Variants in MAP3K13 observed in about 807,000 individuals in gnomAD.
MAP3K13 encodes the protein leucine zipper-bearing kinase.
In MAP3K13, 52 loss-of-function variants were observed where a neutral mutation model predicts 104.0. The observed-to-expected ratio is 0.50, with a 90% CI of 0.40 to 0.63. MAP3K13 has a LOEUF of 0.63. Ranked by LOEUF, MAP3K13 falls within the 20% of genes least tolerant of loss-of-function variation. The probability of loss-of-function intolerance (pLI) is 0.00; values close to 1 mark genes in which losing one functional copy is unlikely to be tolerated. For synonymous variants in MAP3K13, 394 were observed against 442.2 expected (o/e 0.89, Z 1.37); for missense variants, 914 against 1,218.5 (o/e 0.75, Z 3.72).
At chr3:185,363,512 A>G in intron 1 of MAP3K13, 144 bp downstream of exon 1, 1 of 302,188 alleles carries the variant, frequency 3.3e-6, no homozygotes, top group Non-Finnish European at 4.9e-6. Context: ...GGCGGAGAGA[A>G]ACCCGAAACC....
intron 5 of MAP3K13, among the ~76,000 whole-genome samples, chr3:185,448,706 T>C (rs1325814792): frequency 1.3e-5 from 2 of 152,194 alleles, no homozygotes; most frequent in Non-Finnish European, 2.9e-5. Flanking sequence ...ACCAGAAATA[T>C]GTAAGAGTGT....
chr3:185,425,223 C>A (rs1714345577), intron 1 of MAP3K13, among the ~76,000 whole-genome samples: 1 of 152,192 alleles, frequency 6.6e-6, no homozygotes, highest in Non-Finnish European at 1.5e-5. Context: ...AAGCCTAGCT[C>A]CCTAGCTCAG....
intron 1 of MAP3K13, among the ~76,000 whole-genome samples, chr3:185,394,902 AATG>A (rs1453107286): frequency 3.9e-5 from 6 of 152,156 alleles, no homozygotes; most frequent in Non-Finnish European, 5.9e-5. Flanking sequence ...TCATCTATAA[AATG>A]ATGATGATAC....
At chr3:185,434,945 C>T (rs1217984982) in intron 2 of MAP3K13, among the ~76,000 whole-genome samples, 2 of 152,066 alleles carry the variant, frequency 1.3e-5, no homozygotes, top group African/African-American at 2.4e-5. Context: ...ATTCAGCCCC[C>T]AGAATTGTCA....
intron 1 of MAP3K13, among the ~76,000 whole-genome samples, chr3:185,371,445 A>C (rs1724159044): frequency 6.6e-6 from 1 of 152,230 alleles, no homozygotes; most frequent in Non-Finnish European, 1.5e-5. Flanking sequence ...TAATTGTTTA[A>C]AAATTTTCAG....
chr3:185,400,910 T>TG (rs1193960510), intron 1 of MAP3K13, among the ~76,000 whole-genome samples: 1 of 148,768 alleles, frequency 6.7e-6, no homozygotes, highest in Non-Finnish European at 1.5e-5. Context: ...TGTTTGTTTT[T>TG]TTTTTTTTTT....
intron 5 of MAP3K13, chr3:185,448,250 T>G (rs1715699238): frequency 2.4e-6 from 1 of 410,832 alleles, no homozygotes; most frequent in Non-Finnish European, 4.6e-6. Context: ...TAGAAGTCTT[T>G]CTGAAATGTG....
rs566226761 is a variant in MAP3K13, at chr3:185,428,228, A to T, written c.-85-269A>T. On this transcript the variant is annotated intron_variant, in intron 1 of 13. Coordinates refer to ENST00000265026, the MANE Select transcript of MAP3K13 (RefSeq NM_004721.5). The stretch of plus-strand genomic sequence containing the variant: ...TTTTCCTTGAAGTCTTTTTTCTTGT[A>T]TGTATGTCCTTTTAAATAAATTTCT... Among the ~76,000 whole-genome samples the T allele has an allele frequency of 1.1e-4, 17 of 152,116 alleles. No individual in the cohort carries two copies. The South Asian group carries it at 3.5e-3, about 32-fold the overall frequency.
chr3:185,364,525 A>T (rs1577467524), intron 1 of MAP3K13, among the ~76,000 whole-genome samples: 1 of 152,338 alleles, frequency 6.6e-6, no homozygotes, highest in East Asian at 1.9e-4. Flanking sequence ...CTTAATTTTT[A>T]GATTTTTATA....
chr3:185,480,441 A>G lies in MAP3K13; in HGVS notation c.2711A>G (p.Asp904Gly). The change falls in exon 13 of 14, where the codon GAT (aspartate) becomes GGT (glycine). Residue 904 changes from aspartate to glycine, a missense_variant. This residue lies in a region of MAP3K13 where 583 missense variants were observed against 737.4 expected (regional missense o/e 0.79). Coordinates refer to ENST00000265026, the MANE Select transcript of MAP3K13 (RefSeq NM_004721.5). Reference protein sequence around the residue: ...EIPIDISSHSDGLSDKECAVR... With the variant: ...EIPIDISSHSGGLSDKECAVR... The stretch of plus-strand genomic sequence containing the variant: ...CCCATTGACATATCCTCACACTCGG[A>G]TGGGCTCTCTGACAAGGAGTGTGCC... The G allele has an allele frequency of 6.2e-7, 1 of 1,614,140 alleles. No homozygotes were observed. Among genetic ancestry groups the G allele is most frequent in the Non-Finnish European group, 8.5e-7 (1 of 1,180,034 alleles).
chr3:185,383,900 G>A (rs1336408023), intron 1 of MAP3K13, among the ~76,000 whole-genome samples: 1 of 152,124 alleles, frequency 6.6e-6, no homozygotes, highest in Non-Finnish European at 1.5e-5. Context: ...GATCGTATCA[G>A]GGTATTTAGG....
chr3:185,293,351 C>T (rs1036440437), intron 2 of MAP3K13, among the ~76,000 whole-genome samples: 3 of 151,874 alleles, frequency 2.0e-5, no homozygotes, highest in African/African-American at 4.8e-5. Flanking sequence ...TTCCTGACCT[C>T]AGGTGATCTA....
intron 2 of MAP3K13, among the ~76,000 whole-genome samples, chr3:185,312,241 G>T (rs927387118): frequency 6.6e-6 from 1 of 152,228 alleles, no homozygotes; most frequent in Admixed American, 6.5e-5. Flanking sequence ...ACCTCCTCCA[G>T]TCAGGTCACA....
Position 185,465,741 on chromosome 3 carries a change from T to C in MAP3K13, c.1389-6T>C, listed in dbSNP as rs201724593. ...GGCTGGGCTGACCCTGTGTTTTCTCTGACAGGCATGCGCTGGATATTCGTG... is the reference window on the plus strand; with the variant it reads ...GGCTGGGCTGACCCTGTGTTTTCTCCGACAGGCATGCGCTGGATATTCGTG... On this transcript the variant is annotated splice_polypyrimidine_tract_variant and splice_region_variant and intron_variant, in intron 8 of 13. Coordinates refer to ENST00000265026, the MANE Select transcript of MAP3K13 (RefSeq NM_004721.5). 6.8e-6 allele frequency: 11 copies of C among 1,608,540 alleles called. No homozygotes were observed. Among genetic ancestry groups the C allele is most frequent in the Non-Finnish European group, 3.4e-6 (4 of 1,175,162 alleles).
intron 2 of MAP3K13, among the ~76,000 whole-genome samples, chr3:185,326,544 C>T (rs1286709610): frequency 6.6e-6 from 1 of 152,142 alleles, no homozygotes; most frequent in Non-Finnish European, 1.5e-5. Context: ...GTATGAGCTA[C>T]ATCACTTCAT....
At chr3:185,433,360 T>C (rs1478259876) in intron 2 of MAP3K13, among the ~76,000 whole-genome samples, 1 of 152,172 alleles carries the variant, frequency 6.6e-6, no homozygotes, top group African/African-American at 2.4e-5. Flanking sequence ...GGGACAGACA[T>C]AGAAGCAACG....
rs1381592940 is a variant in MAP3K13, at chr3:185,378,409, A to G, written c.-86+15041A>G. On this transcript the variant is annotated intron_variant, in intron 1 of 13. Coordinates refer to ENST00000265026, the MANE Select transcript of MAP3K13 (RefSeq NM_004721.5). ...GCTATCTGATTTGGGATAAAGAAAAAAGAGCACTAACCTTGACTATGCCTT... is the reference window on the plus strand; with the variant it reads ...GCTATCTGATTTGGGATAAAGAAAAGAGAGCACTAACCTTGACTATGCCTT... Among the ~76,000 whole-genome samples the G allele has an allele frequency of 2.0e-5, 3 of 152,148 alleles. No individual in the cohort carries two copies. In the East Asian group the frequency reaches 5.8e-4, roughly 29 times the overall value.
chr3:185,382,600 G>A (rs1724780369), intron 1 of MAP3K13, among the ~76,000 whole-genome samples: 1 of 152,170 alleles, frequency 6.6e-6, no homozygotes, highest in Non-Finnish European at 1.5e-5. Context: ...GGCCTAGTGG[G>A]AGGTGTTTGG....
chr3:185,344,964 A>G (rs1305725828), intron 2 of MAP3K13, among the ~76,000 whole-genome samples: 1 of 151,606 alleles, frequency 6.6e-6, no homozygotes, highest in East Asian at 1.9e-4. Flanking sequence ...CCAGGTTCAA[A>G]TGATTCTCCT....
Sources: allele counts gnomAD v4.1 joint callset (sites outside exome capture counted in the v4.1 genomes callset), GRCh38; gene constraint gnomAD v4.1.1; regional missense constraint gnomAD v4.1.1; transcripts MANE v1.5; gene names NCBI Gene and HGNC (gene_info 2026-07-23, HGNC 2026-07-21).